The following ANKRD60 variants were observed in gnomAD, a reference collection of about 807,000 sequenced individuals.
ANKRD60 encodes the protein ankyrin repeat domain 60, also known as ankyrin repeat domain-containing protein 60.
A neutral mutation model predicts 21.3 loss-of-function variants in ANKRD60; 24 were observed. The observed-to-expected ratio is 1.13, with a 90% confidence interval of 0.82 to 1.59. ANKRD60 has a LOEUF of 1.59. Ranked by LOEUF, ANKRD60 falls within the 40% of genes most tolerant of loss-of-function variation. The pLI is 0.00. For synonymous variants in ANKRD60, 182 were observed against 199.4 expected (o/e 0.91, Z 0.74); for missense variants, 490 against 466.7 (o/e 1.05, Z -0.46).
downstream of ANKRD60, among the ~76,000 whole-genome samples, chr20:58,218,328 C>A (rs932290691): frequency 6.6e-6 from 1 of 152,150 alleles, no homozygotes; most frequent in African/African-American, 2.4e-5. Flanking sequence ...TACCTACTGC[C>A]ATCAACACCC....
At chr20:58,226,896 G>A (rs1002054385) in intron 1 of ANKRD60, among the ~76,000 whole-genome samples, 1 of 152,110 alleles carries the variant, frequency 6.6e-6, no homozygotes, top group Non-Finnish European at 1.5e-5. Flanking sequence ...ATGGATTGGG[G>A]TTCAGATGCA....
intron 1 of ANKRD60, among the ~76,000 whole-genome samples, chr20:58,224,170 C>T (rs1984321087): frequency 6.6e-6 from 1 of 151,996 alleles, no homozygotes; most frequent in East Asian, 1.9e-4. Context: ...AGCTAAGAGC[C>T]GACGTGATGT....
At position 58,228,357 on chromosome 20, in the gene ANKRD60, C is replaced by A. The variant is rs1328522920; in HGVS notation, c.297G>T (p.Arg99=). 6.4e-7 allele frequency: 1 copy of A among 1,550,472 alleles called. No homozygotes were observed. Among genetic ancestry groups the A allele is most frequent in the Non-Finnish European group, 8.7e-7 (1 of 1,146,940 alleles). Residue 99 remains arginine (R), a synonymous_variant, in exon 1 of 4, where the codon CGG becomes CGT. Coordinates refer to ENST00000457363, the Ensembl canonical transcript of ANKRD60. This position sits in a 1 kb window ranked among gnomAD's most constrained non-coding sequence, Gnocchi z 5.3. ...GGAACATCTCCCCCGTCTCCTCCAG[C>A]CGCACCCGCAGGACGAAGACGTCAG...
rs749917745 is a variant in ANKRD60 at position 58,228,480 on chromosome 20, C to T, written c.174G>A (p.Ser58=). ...CCAGGGGCTGCGCGGGGAGGGCCCGCGAGTCCGCCGAGCCCACCCTGGGCC... is the reference window on the plus strand; with the variant it reads ...CCAGGGGCTGCGCGGGGAGGGCCCGTGAGTCCGCCGAGCCCACCCTGGGCC... Residue 58 remains serine (S), a synonymous_variant, in exon 1 of 4, where the codon TCG becomes TCA. Coordinates refer to ENST00000457363, the Ensembl canonical transcript of ANKRD60. This position sits in a 1 kb window ranked among gnomAD's most constrained non-coding sequence, Gnocchi z 5.3. 6 of 1,502,542 alleles carry T rather than the reference C, an allele frequency of 4.0e-6. No individual in the cohort carries two copies. In the South Asian group the frequency reaches 7.6e-5, roughly 19 times the overall value. 93.1% of individuals were successfully genotyped at this position (1,502,542 alleles called of 1,614,324 possible). A position where few individuals can be genotyped will look rare whatever the true frequency, so the allele number is the denominator to read the frequency against.
rs951804385 is a variant in ANKRD60, at chr20:58,222,918, T to C, written c.561+134A>G. 3.4e-6 allele frequency: 4 copies of C among 1,161,534 alleles called. No individual in the cohort carries two copies. In the African/African-American group the frequency reaches 6.2e-5, roughly 18 times the overall value. 72.0% of individuals were successfully genotyped at this position (1,161,534 alleles called of 1,614,324 possible). A position where few individuals can be genotyped will look rare whatever the true frequency, so the allele number is the denominator to read the frequency against. ...CCCTCAGTGCGGTATTTCATAATTATGACACGGCTCATCGTTCTCTCTTCC... is the reference window on the plus strand; with the variant it reads ...CCCTCAGTGCGGTATTTCATAATTACGACACGGCTCATCGTTCTCTCTTCC... On this transcript the variant is annotated intron_variant, in intron 2 of 3. Coordinates refer to ENST00000457363, the Ensembl canonical transcript of ANKRD60.
chr20:58,228,098 G>A lies in ANKRD60; in HGVS notation c.430+126C>T. The A allele has an allele frequency of 1.0e-6, 1 of 982,920 alleles. No individual in the cohort carries two copies. Among genetic ancestry groups the A allele is most frequent in the Non-Finnish European group, 1.5e-6 (1 of 679,692 alleles). The allele number at this position is 982,920 out of a possible 1,614,324, so 60.9% of individuals were successfully genotyped here. A position where few individuals can be genotyped will look rare whatever the true frequency, so the allele number is the denominator to read the frequency against. ...TTCCATCTGGGTTTCAGGGTGGTTG[G>A]GTTTCAGGGGTTTGCTTTGACATCT... On this transcript the variant is annotated intron_variant, in intron 1 of 3. Transcript: ENST00000457363. This position sits in a 1 kb window ranked among gnomAD's most constrained non-coding sequence, Gnocchi z 5.3.
intron 1 of ANKRD60, among the ~76,000 whole-genome samples, chr20:58,226,558 G>A (rs910762846): frequency 6.6e-6 from 1 of 152,148 alleles, no homozygotes; most frequent in African/African-American, 2.4e-5. Flanking sequence ...GGTACTCATG[G>A]AGGCAAGGTT....
chr20:58,222,570 T>C (rs964057191), intron 2 of ANKRD60, among the ~76,000 whole-genome samples: 2 of 152,236 alleles, frequency 1.3e-5, no homozygotes, highest in Admixed American at 6.5e-5. Flanking sequence ...TGCCCACCCC[T>C]AGAGCCCAGC....
In ANKRD60 at chr20:58,228,506, C is replaced by A. The variant is rs1179110400; in HGVS notation, c.148G>T (p.Gly50Trp). Residue 50 changes from glycine (G) to tryptophan (W), a missense_variant, in exon 1 of 4, where the codon GGG becomes TGG. Gly to Trp is a radical substitution (Grantham distance 184). Coordinates refer to ENST00000457363, the Ensembl canonical transcript of ANKRD60. The surrounding 1 kb of genome is among the most constrained non-coding windows in gnomAD (Gnocchi z 5.3). ...GAGTCCGCCGAGCCCACCCTGGGCCCGCCGCACCCCTGAGCCCCGGCCCGC... is the reference window on the plus strand; with the variant it reads ...GAGTCCGCCGAGCCCACCCTGGGCCAGCCGCACCCCTGAGCCCCGGCCCGC... The A allele has an allele frequency of 7.0e-7, 1 of 1,433,690 alleles. No homozygotes were observed. Among genetic ancestry groups the A allele is most frequent in the Admixed American group, 2.8e-5 (1 of 35,942 alleles). 88.8% of individuals were successfully genotyped at this position (1,433,690 alleles called of 1,614,324 possible).
exon 4 of ANKRD60, chr20:58,218,566 C>T (rs745640123): frequency 6.4e-7 from 1 of 1,551,634 alleles, no homozygotes; most frequent in Non-Finnish European, 8.7e-7. Flanking sequence ...TTCTTCATGA[C>T]CAAGTCATTC....
chr20:58,228,314 C>A lies in ANKRD60; in HGVS notation c.340G>T (p.Gly114Cys), dbSNP rs376978673. 94 of 1,551,376 alleles carry A rather than the reference C, an allele frequency of 6.1e-5. No individual in the cohort carries two copies. The African/African-American group carries it at 1.2e-3, about 20-fold the overall frequency. ...TTGAGCTCCCGCACGGTCATGTCGC[C>A]GCGGCAGTTTGCCACTCGGAACATC... Residue 114 changes from glycine to cysteine, a missense_variant, in exon 1 of 4, where the codon GGC becomes TGC. Physicochemically the swap from Gly to Cys is radical, Grantham distance 159 (BLOSUM62 -3). Coordinates refer to ENST00000457363, the Ensembl canonical transcript of ANKRD60. The surrounding 1 kb of genome is among the most constrained non-coding windows in gnomAD (Gnocchi z 5.3).
chr20:58,227,277 T>C (rs73308817), intron 1 of ANKRD60, among the ~76,000 whole-genome samples: 2,410 of 152,284 alleles, frequency 0.016, 62 homozygotes, highest in African/African-American at 0.055. Context: ...GATCTGGGGT[T>C]CTGAGGTAGT....
At chr20:58,223,052 C>G in exon 2 of ANKRD60, 2 of 1,545,538 alleles carry the variant, frequency 1.3e-6, no homozygotes, top group Non-Finnish European at 1.7e-6. Context: ...TTGAAAACAC[C>G]TTGCTGGGAT....
At chr20:58,219,364 A>G (rs957640567) in intron 3 of ANKRD60, among the ~76,000 whole-genome samples, 1 of 152,190 alleles carries the variant, frequency 6.6e-6, no homozygotes, top group African/African-American at 2.4e-5. Context: ...ATCATTGACT[A>G]TGGAATTATT....
intron 1 of ANKRD60, among the ~76,000 whole-genome samples, chr20:58,225,076 C>T (rs1020490607): frequency 4.6e-5 from 7 of 152,172 alleles, no homozygotes; most frequent in African/African-American, 1.7e-4. Flanking sequence ...TAATGAGTAG[C>T]ACTTTCTGTC....
chr20:58,216,785 G>T (rs148319728), downstream of ANKRD60, among the ~76,000 whole-genome samples: 111 of 152,310 alleles, frequency 7.3e-4, 1 homozygote, highest in Middle Eastern at 6.8e-3. Flanking sequence ...GGGTGGCCAG[G>T]ATACAGCGCC....
chr20:58,218,638 T>C (rs1568836117), exon 4 of ANKRD60: 1 of 1,551,812 alleles, frequency 6.4e-7, no homozygotes, highest in Non-Finnish European at 8.7e-7. Flanking sequence ...TCGCTCAGTG[T>C]GTGGTTCAGG....
At position 58,228,610 on chromosome 20, in the gene ANKRD60, CCCGCCGCCGCCCG is replaced by C; in HGVS notation, c.31_43del (p.Arg11GlyfsTer102). 3 of 1,026,358 alleles carry C rather than the reference CCCGCCGCCGCCCG, an allele frequency of 2.9e-6. No homozygotes were observed. The highest frequency in any genetic ancestry group is 3.5e-6 in the Non-Finnish European group (3 of 853,994). 63.6% of individuals were successfully genotyped at this position (1,026,358 alleles called of 1,614,324 possible). On this transcript the variant is annotated frameshift_variant, in exon 1 of 4. Coordinates refer to ENST00000457363, the Ensembl canonical transcript of ANKRD60. LOFTEE classifies it high-confidence loss of function. This position sits in a 1 kb window ranked among gnomAD's most constrained non-coding sequence, Gnocchi z 5.3. ...CCCCGCCGCCCGCGCTCCGCCCGCC[CCCGCCGCCGCCCG>C]CCGCATCCCCCAGGCGCGGCCGCGC...
At chr20:58,219,694 A>G (rs1198364646) in intron 3 of ANKRD60, among the ~76,000 whole-genome samples, 1 of 152,218 alleles carries the variant, frequency 6.6e-6, no homozygotes, top group East Asian at 1.9e-4. Flanking sequence ...GCCAGTTTTT[A>G]TGAGCTCCGG....
Sources: gnomAD v4.1 joint callset for allele counts (sites outside exome capture counted in the v4.1 genomes callset) on GRCh38, gnomAD v4.1.1 for gene constraint, Gnocchi (gnomAD v3.1) non-coding constraint, MANE v1.5 for transcripts, NCBI Gene and HGNC (gene_info 2026-07-23, HGNC 2026-07-21) for gene names.